Variants in CLUH observed in about 807,000 individuals in gnomAD.
CLUH encodes clustered mitochondria protein homolog.
Under a neutral mutation model 139.3 loss-of-function variants are expected in CLUH, and 77 were observed. That is an observed-to-expected ratio of 0.55 (90% CI 0.46 to 0.67). CLUH has a LOEUF of 0.67. Among genes scored for constraint, CLUH ranks in the 30% least tolerant of loss-of-function variants. The pLI is 0.00. For missense variants in CLUH, 1,876 were observed against 1,875.8 expected (o/e 1.00, Z 0.00); for synonymous variants, 999 against 801.6 (o/e 1.25, Z -4.16).
chr17:2,690,663 C>A lies in CLUH; in HGVS notation c.3978G>T (p.Ala1326=). The change falls in exon 26 of 26, where the codon GCG becomes GCT. Residue 1326 remains alanine, a synonymous_variant. Transcript: ENST00000651024. ...EEPMATEPAP[A]GAPGDLGSQP... ...GGGAGCCCAGGTCTCCTGGGGCCCC[C>A]GCTGGCGCGGGCTCGGTAGCCATGG... The A allele has an allele frequency of 6.5e-7, 1 of 1,544,588 alleles. No individual in the cohort carries two copies. Among genetic ancestry groups the A allele is most frequent in the African/African-American group, 1.4e-5 (1 of 70,202 alleles).
chr17:2,702,456 G>A (rs554606667), intron 3 of CLUH, among the ~76,000 whole-genome samples: 5 of 152,352 alleles, frequency 3.3e-5, no homozygotes, highest in African/African-American at 1.2e-4. Flanking sequence ...GGGGTGGCCT[G>A]AGGACTTTCC....
rs1289243288 is a variant in CLUH at position 2,703,743 on chromosome 17, G to A, written c.304-254C>T. Among the ~76,000 whole-genome samples, 2 of 152,102 alleles carry A rather than the reference G, an allele frequency of 1.3e-5. No homozygotes were observed. Among genetic ancestry groups the A allele is most frequent in the Non-Finnish European group, 1.5e-5 (1 of 68,012 alleles). On this transcript the variant is annotated intron_variant, in intron 2 of 25. Transcript: ENST00000651024. The surrounding 1 kb of genome is among the most constrained non-coding windows in gnomAD (Gnocchi z 4.2). ...TGTGCAGCCTGGAGCCTGGCCCACCGACTCGGCCTGCAGACCCAGAGCAAT... is the reference window on the plus strand; with the variant it reads ...TGTGCAGCCTGGAGCCTGGCCCACCAACTCGGCCTGCAGACCCAGAGCAAT...
In CLUH at chr17:2,704,238, C is replaced by A. The variant is rs1486449000; in HGVS notation, c.303+124G>T. 2.6e-5 allele frequency: 26 copies of A among 1,019,444 alleles called. No homozygotes were observed. The highest frequency in any genetic ancestry group is 3.3e-5 in the Non-Finnish European group (23 of 704,620). The allele number at this position is 1,019,444 out of a possible 1,614,324, so 63.1% of individuals were successfully genotyped here. A position where few individuals can be genotyped will look rare whatever the true frequency, so the allele number is the denominator to read the frequency against. On this transcript the variant is annotated intron_variant, in intron 2 of 25. Coordinates refer to ENST00000651024, the MANE Select transcript of CLUH (RefSeq NM_001366661.1). This position sits in a 1 kb window ranked among gnomAD's most constrained non-coding sequence, Gnocchi z 5.7. Reference sequence around the variant, plus strand: ...GCTAGCTGAGTGACTCTAGGGAGGGCACGGGATCCTCAGTTTCCTGCCACA... The same window carrying A: ...GCTAGCTGAGTGACTCTAGGGAGGGAACGGGATCCTCAGTTTCCTGCCACA...
rs2069733266 is a variant in CLUH at position 2,692,497 on chromosome 17, T to C, written c.3439-15A>G. 8 of 1,595,884 alleles carry C rather than the reference T, an allele frequency of 5.0e-6. No individual in the cohort carries two copies. In the South Asian group the frequency reaches 8.8e-5, roughly 18 times the overall value. ...CCGATGTTGTTCTGGGGGCAGGCGGTGGGGGGCCCTGGTCAGCTCCCGGTC... is the reference window on the plus strand; with the variant it reads ...CCGATGTTGTTCTGGGGGCAGGCGGCGGGGGGCCCTGGTCAGCTCCCGGTC... On this transcript the variant is annotated splice_polypyrimidine_tract_variant and intron_variant, in intron 21 of 25. Transcript: ENST00000651024.
chr17:2,691,973 C>CCCCGCCCCCGCCCCGCCCCCG (rs1555529496), intron 23 of CLUH, 31 bp downstream of exon 23: 1 of 455,510 alleles, frequency 2.2e-6, no homozygotes, highest in Non-Finnish European at 2.9e-6. Flanking sequence ...CCCCGCCCCG[C>CCCCGCCCCCGCCCCGCCCCCG]CCCCGCCCCC....
chr17:2,694,444 C>T (rs1283821770), intron 17 of CLUH, 36 bp downstream of exon 17: 5 of 1,513,076 alleles, frequency 3.3e-6, no homozygotes, highest in Admixed American at 3.9e-5. Context: ...GGGGACACAG[C>T]GGGGACACAG....
Position 2,700,533 on chromosome 17 carries a change from G to C in CLUH, c.1174-59C>G, listed in dbSNP as rs559255191. On this transcript the variant is annotated intron_variant, in intron 8 of 25. Coordinates refer to ENST00000651024, the MANE Select transcript of CLUH (RefSeq NM_001366661.1). ...AGCCTGTGCCCTGTGACCTGCTCCC[G>C]GAAGTCGCTCCTTCTACCTTCCTGA... 5.7e-6 allele frequency: 9 copies of C among 1,568,236 alleles called. No individual in the cohort carries two copies. In the Middle Eastern group the frequency reaches 5.0e-4, roughly 88 times the overall value.
In CLUH at chr17:2,690,397, T is replaced by C; in HGVS notation, c.*197A>G. Reference sequence around the variant, plus strand: ...TCTCCAATGGGGCCTCTGCATCATCTATTCATTGAACCAGCGCAAAAACAC... The same window carrying C: ...TCTCCAATGGGGCCTCTGCATCATCCATTCATTGAACCAGCGCAAAAACAC... On this transcript the variant is annotated 3_prime_UTR_variant, in exon 26 of 26. Transcript: ENST00000651024. 1 of 445,662 alleles carries C rather than the reference T, an allele frequency of 2.2e-6. No homozygotes were observed. The highest frequency in any genetic ancestry group is 3.9e-6 in the Non-Finnish European group (1 of 255,910). 27.6% of individuals were successfully genotyped at this position (445,662 alleles called of 1,614,324 possible).
chr17:2,690,853 G>T, intron 25 of CLUH, 76 bp from the exon 26 acceptor site: 1 of 1,228,546 alleles, frequency 8.1e-7, no homozygotes, highest in Non-Finnish European at 1.1e-6. Flanking sequence ...GCTTTCCTGT[G>T]GGATAAGCTC....
intron 7 of CLUH, 71 bp from the exon 8 acceptor site, chr17:2,700,896 T>G: frequency 4.0e-6 from 6 of 1,487,460 alleles, no homozygotes; most frequent in Non-Finnish European, 5.3e-6. Flanking sequence ...GCCCCTTTTC[T>G]GAGGCCCCCG....
rs146922560 is a variant in CLUH at position 2,695,595 on chromosome 17, G to A, written c.2392-69C>T. 1.7e-3 allele frequency: 2,531 copies of A among 1,487,342 alleles called. 23 individuals carry two copies. Among genetic ancestry groups the A allele is most frequent in the Non-Finnish European group, 1.1e-3 (1,210 of 1,119,954 alleles). 92.1% of individuals were successfully genotyped at this position (1,487,342 alleles called of 1,614,324 possible). A position where few individuals can be genotyped will look rare whatever the true frequency, so the allele number is the denominator to read the frequency against. On this transcript the variant is annotated intron_variant, in intron 13 of 25. Coordinates refer to ENST00000651024, the MANE Select transcript of CLUH (RefSeq NM_001366661.1). The stretch of plus-strand genomic sequence containing the variant: ...TCCACCCAACTGAGTCCTTCTGGGG[G>A]AGCACAGCTATCCTGGGAGGCCCTG...
chr17:2,711,807 T>C (rs2070532039), upstream of CLUH: 1 of 192,266 alleles, frequency 5.2e-6, no homozygotes, highest in Non-Finnish European at 9.5e-6. Flanking sequence ...CCGCCGCCGT[T>C]TCCCTGCCCC....
chr17:2,707,218 G>A lies in CLUH; in HGVS notation c.101-2654C>T, dbSNP rs530664289. The A allele has an allele frequency of 1.5e-4, 148 of 985,424 alleles. No homozygotes were observed. The highest frequency in any genetic ancestry group is 5.2e-4 in the Middle Eastern group (1 of 1,914). 61.0% of individuals were successfully genotyped at this position (985,424 alleles called of 1,614,324 possible). On this transcript the variant is annotated intron_variant, in intron 1 of 25. Coordinates refer to ENST00000651024, the MANE Select transcript of CLUH (RefSeq NM_001366661.1). This position sits in a 1 kb window ranked among gnomAD's most constrained non-coding sequence, Gnocchi z 7.4. The stretch of plus-strand genomic sequence containing the variant: ...CCTCCCCTCGGCTCTGGAGTCTCAG[G>A]ATGGCCGTGGCAGCAAGGCAGCCAG...
rs542514119 is a variant in CLUH at position 2,706,186 on chromosome 17, C to T, written c.101-1622G>A. 6.6e-6 allele frequency among the ~76,000 whole-genome samples: 1 copy of T among 152,248 alleles called. No individual in the cohort carries two copies. The highest frequency in any genetic ancestry group is 2.1e-4 in the South Asian group (1 of 4,824). ...CTGTGTGGTCCCAATCCGGACCCAC[C>T]AGAAACACGGAGCAGGAGCCTCAGG... On this transcript the variant is annotated intron_variant, in intron 1 of 25. Coordinates refer to ENST00000651024, the MANE Select transcript of CLUH (RefSeq NM_001366661.1). The surrounding 1 kb of genome is among the most constrained non-coding windows in gnomAD (Gnocchi z 4.6).
Position 2,701,281 on chromosome 17 carries a change from G to A in CLUH, c.900-16C>T, listed in dbSNP as rs372330557. On this transcript the variant is annotated splice_polypyrimidine_tract_variant and intron_variant, in intron 6 of 25. Coordinates refer to ENST00000651024, the MANE Select transcript of CLUH (RefSeq NM_001366661.1). ...AGCTGTGGACCTGCAGGGAGAGGGC[G>A]GGCACTGAGCGGGGGCCCAGGTGTC... 51 of 1,609,918 alleles carry A rather than the reference G, an allele frequency of 3.2e-5. No homozygotes were observed. The highest frequency in any genetic ancestry group is 5.0e-5 in the Admixed American group (3 of 59,418).
chr17:2,708,019 A>C, intron 1 of CLUH: 2 of 983,680 alleles, frequency 2.0e-6, no homozygotes, highest in Non-Finnish European at 2.4e-6. Flanking sequence ...GAGGGAACCA[A>C]GTCTCTCCCA....
Position 2,704,320 on chromosome 17 carries a change from C to A in CLUH, c.303+42G>T. 2.5e-6 allele frequency: 4 copies of A among 1,577,146 alleles called. No individual in the cohort carries two copies. Among genetic ancestry groups the A allele is most frequent in the Non-Finnish European group, 3.5e-6 (4 of 1,158,830 alleles). On this transcript the variant is annotated intron_variant, in intron 2 of 25. Transcript: ENST00000651024. This position sits in a 1 kb window ranked among gnomAD's most constrained non-coding sequence, Gnocchi z 5.7. ...GAGCTTTCCAGCTCACCCTCCCCAG[C>A]AGGCTCAGGCCTGGCCCCCAGCACC... is the stretch of plus-strand genomic sequence containing the variant.
Position 2,707,055 on chromosome 17 carries a change from A to G in CLUH, c.101-2491T>C, listed in dbSNP as rs1423125959. The G allele has an allele frequency of 8.6e-6, 4 of 463,836 alleles. No individual in the cohort carries two copies. Among genetic ancestry groups the G allele is most frequent in the South Asian group, 9.0e-5 (1 of 11,080 alleles). 28.7% of individuals were successfully genotyped at this position (463,836 alleles called of 1,614,324 possible). On this transcript the variant is annotated intron_variant, in intron 1 of 25. Transcript: ENST00000651024. The surrounding 1 kb of genome is among the most constrained non-coding windows in gnomAD (Gnocchi z 7.4). ...CCAAGGGGCCTCCTCTCCCCAGGAC[A>G]GCATGTTTTACCCTAATCCTTCCTC...
Position 2,701,717 on chromosome 17 carries a change from CCTT to C in CLUH, c.637_639del (p.Lys213del), listed in dbSNP as rs1455625425. ...CAGTCGATGGGGTCCATCTCCAAGC[CCTT>C]CTTCCGCTTCCCGCTGTCTGAGGGA... On this transcript the variant is annotated inframe_deletion, in exon 5 of 26. Coordinates refer to ENST00000651024, the MANE Select transcript of CLUH (RefSeq NM_001366661.1). 6.4e-7 allele frequency: 1 copy of C among 1,572,938 alleles called. No homozygotes were observed. Among genetic ancestry groups the C allele is most frequent in the Non-Finnish European group, 8.6e-7 (1 of 1,159,354 alleles).
Sources: gnomAD v4.1 joint callset for allele counts (sites outside exome capture counted in the v4.1 genomes callset) on GRCh38, gnomAD v4.1.1 for gene constraint, Gnocchi (gnomAD v3.1) non-coding constraint, MANE v1.5 for transcripts, NCBI Gene and HGNC (gene_info 2026-07-23, HGNC 2026-07-21) for gene names.